The following IFT74 variants were observed in gnomAD, a reference collection of about 807,000 sequenced individuals.
IFT74 encodes intraflagellar transport protein 74 homolog.
Under a neutral mutation model 96.7 loss-of-function variants are expected in IFT74, and 92 were observed. The ratio of observed to expected loss-of-function variants is 0.95; its 90% CI spans 0.80 to 1.13. IFT74 has a LOEUF of 1.13. Ranked by LOEUF, IFT74 falls within the 50% of genes most tolerant of loss-of-function variation. The pLI is 0.00. For synonymous variants in IFT74, 223 were observed against 213.2 expected, an observed-to-expected ratio of 1.05 and a Z score of -0.40; for missense variants, 811 against 698.2, an observed-to-expected ratio of 1.16 and a Z score of -1.82.
intron 1 of IFT74, among the ~76,000 whole-genome samples, chr9:26,959,678 T>C (rs531090432): frequency 6.6e-6 from 1 of 152,220 alleles, no homozygotes; most frequent in East Asian, 1.9e-4. Flanking sequence ...AGGATGGATG[T>C]AGAGAAGTTT....
intron 1 of IFT74, among the ~76,000 whole-genome samples, chr9:26,948,498 T>C (rs1825829010): frequency 8.3e-6 from 1 of 120,514 alleles, no homozygotes; most frequent in African/African-American, 3.2e-5. Context: ...TGAGACGGAG[T>C]GTCGCTCTGC....
intron 13 of IFT74, chr9:27,036,497 T>C (rs1299003700): frequency 6.2e-7 from 1 of 1,613,692 alleles, no homozygotes; most frequent in African/African-American, 1.3e-5. Flanking sequence ...TACAGGAAGT[T>C]TCAAAAAGCA....
chr9:26,974,529 C>T (rs1563943353), intron 2 of IFT74, among the ~76,000 whole-genome samples: 2 of 152,100 alleles, frequency 1.3e-5, no homozygotes, highest in Middle Eastern at 3.4e-3. Context: ...GGTATTGATT[C>T]CTTAATTCCT....
At chr9:27,017,779 G>A (rs1400953261) in intron 11 of IFT74, among the ~76,000 whole-genome samples, 2 of 152,156 alleles carry the variant, frequency 1.3e-5, no homozygotes, top group Non-Finnish European at 2.9e-5. Flanking sequence ...CATGACACAT[G>A]TAACATGTAT....
At chr9:26,954,413 T>G (rs536736282), upstream of IFT74, among the ~76,000 whole-genome samples, 108 of 152,322 alleles carry the variant, frequency 7.1e-4, no homozygotes, top group African/African-American at 2.5e-3. Flanking sequence ...TCTGAAAGCT[T>G]TCAACTACCT....
chr9:26,948,886 T>G (rs1163277325), intron 1 of IFT74, among the ~76,000 whole-genome samples: 1 of 152,180 alleles, frequency 6.6e-6, no homozygotes, highest in Non-Finnish European at 1.5e-5. Context: ...TTGTCACAAT[T>G]CCCTGAACAC....
At chr9:26,995,620 A>G in intron 8 of IFT74, 1 of 1,611,932 alleles carries the variant, frequency 6.2e-7, no homozygotes, top group Non-Finnish European at 8.5e-7. Context: ...ATATTACTGT[A>G]GTTTCTTCAG....
At chr9:26,947,429 C>T (rs1304051635) in intron 1 of IFT74, 1 of 187,758 alleles carries the variant, frequency 5.3e-6, no homozygotes, top group Admixed American at 6.2e-5. Flanking sequence ...TTCCCAAACC[C>T]GGGTCTCTTC....
intron 16 of IFT74, among the ~76,000 whole-genome samples, chr9:27,054,575 G>A (rs948603340): frequency 6.6e-6 from 1 of 152,032 alleles, no homozygotes; most frequent in Non-Finnish European, 1.5e-5. Flanking sequence ...ACACACACAG[G>A]TATCCTCATT....
intron 1 of IFT74, among the ~76,000 whole-genome samples, chr9:26,948,448 A>ATTATTATTATTATTTTTTTT (rs1825819541): frequency 1.0e-4 from 6 of 59,166 alleles, no homozygotes; most frequent in South Asian, 6.2e-4. Flanking sequence ...GCTTTCCATT[A>ATTATTATTATTATTTTTTTT]TTTTTTTTTT....
At chr9:26,973,591 C>T (rs1479974270) in intron 2 of IFT74, among the ~76,000 whole-genome samples, 1 of 152,178 alleles carries the variant, frequency 6.6e-6, no homozygotes, top group African/African-American at 2.4e-5. Context: ...AAGGCCTATT[C>T]CTAATTTTAG....
At chr9:26,983,364 G>A (rs1827471754) in intron 4 of IFT74, among the ~76,000 whole-genome samples, 1 of 152,232 alleles carries the variant, frequency 6.6e-6, no homozygotes, top group Admixed American at 6.5e-5. Flanking sequence ...CTAGCTATTT[G>A]TGTAATTGTC....
intron 1 of IFT74, among the ~76,000 whole-genome samples, chr9:26,958,062 G>A (rs1255608521): frequency 6.6e-6 from 1 of 150,842 alleles, no homozygotes; most frequent in Non-Finnish European, 1.5e-5. Flanking sequence ...CGCTTTGTTT[G>A]CTTTTTAACA....
At chr9:26,976,045 C>T (rs559144833) in intron 2 of IFT74, among the ~76,000 whole-genome samples, 1 of 152,262 alleles carries the variant, frequency 6.6e-6, no homozygotes, top group Admixed American at 6.5e-5. Context: ...TGTTCTTGTA[C>T]CGTTTTTCAC....
chr9:27,023,292 G>T (rs776075118), intron 12 of IFT74, among the ~76,000 whole-genome samples: 21 of 152,222 alleles, frequency 1.4e-4, no homozygotes, highest in Non-Finnish European at 2.4e-4. Context: ...GTTGGCTGTG[G>T]GTTTGTCATA....
chr9:26,950,904 A>G (rs931421267), intron 1 of IFT74, among the ~76,000 whole-genome samples: 6 of 152,266 alleles, frequency 3.9e-5, no homozygotes, highest in East Asian at 1.9e-4. Flanking sequence ...CTAAAATTCT[A>G]TGAACACTAA....
At chr9:26,981,814 C>T (rs150307259) in intron 4 of IFT74, among the ~76,000 whole-genome samples, 4,701 of 150,822 alleles carry the variant, frequency 0.031, 97 homozygotes, top group Middle Eastern at 0.054. Context: ...GTCGCCCAGG[C>T]TGGAGTGCAG....
At chr9:26,970,550 G>A (rs1826837141) in intron 2 of IFT74, among the ~76,000 whole-genome samples, 1 of 152,100 alleles carries the variant, frequency 6.6e-6, no homozygotes, top group Non-Finnish European at 1.5e-5. Flanking sequence ...ACTTTGACCT[G>A]GTGAATGGAA....
intron 16 of IFT74, among the ~76,000 whole-genome samples, chr9:27,050,790 C>T (rs991916562): frequency 2.0e-5 from 3 of 151,418 alleles, no homozygotes; most frequent in Non-Finnish European, 2.9e-5. Flanking sequence ...ATGTAAATGA[C>T]GAGTTAATGG....
Sources: gnomAD v4.1 joint callset for allele counts (sites outside exome capture counted in the v4.1 genomes callset) on GRCh38, gnomAD v4.1.1 for gene constraint, MANE v1.5 for transcripts, NCBI Gene and HGNC (gene_info 2026-07-23, HGNC 2026-07-21) for gene names.